Variants in PLEKHG7 observed in about 807,000 individuals in gnomAD.
The protein encoded by PLEKHG7 is pleckstrin homology and RhoGEF domain containing G7, also known as pleckstrin homology domain-containing family G member 7.
PLEKHG7 carries 77 observed loss-of-function variants against 85.2 expected under a neutral mutation model. The observed-to-expected ratio is 0.90, with a 90% CI of 0.75 to 1.09. The LOEUF (loss-of-function observed/expected upper bound fraction) is 1.09, where lower values mean the gene tolerates loss of function less well. Among genes scored for constraint, PLEKHG7 ranks in the 50% least tolerant of loss-of-function variants. PLEKHG7 has a pLI of 0.00. For synonymous variants in PLEKHG7, 301 were observed against 302.4 expected (o/e 1.00, Z 0.05); for missense variants, 777 against 804.3 (o/e 0.97, Z 0.41).
In PLEKHG7 at chr12:92,728,997, T is replaced by A. The variant is rs377531534; in HGVS notation, c.535T>A (p.Tyr179Asn). ...CCTTTTATCTCTTGAGCACAGGTTCTACGAGCACAGGCGGAGTTCTGTGGT... is the reference window on the plus strand; with the variant it reads ...CCTTTTATCTCTTGAGCACAGGTTCAACGAGCACAGGCGGAGTTCTGTGGT... ...QGEELHPSRF[Y>N]EHRRSSVVLN... The change falls in exon 4 of 17, where the codon TAC becomes AAC. Residue 179 changes from tyrosine (Y) to asparagine (N), a missense_variant. Tyr to Asn is a moderately radical substitution (Grantham distance 143). Around this residue, in one of 3 missense-constraint regions of PLEKHG7, gnomAD observed 252 missense variants for 241.9 expected, o/e 1.04. Transcript: ENST00000344636. 2.4e-6 allele frequency: 3 copies of A among 1,231,774 alleles called. No individual in the cohort carries two copies. Among genetic ancestry groups the A allele is most frequent in the East Asian group, 6.3e-5 (2 of 31,688 alleles). 76.3% of individuals were successfully genotyped at this position (1,231,774 alleles called of 1,614,324 possible).
intron 12 of PLEKHG7, 95 bp from the exon 13 acceptor site, chr12:92,756,203 A>G (rs1872824915): frequency 1.1e-6 from 1 of 912,230 alleles, no homozygotes; most frequent in African/African-American, 1.7e-5. Context: ...AAATGTCATG[A>G]ACTTTCTAGA....
At chr12:92,743,684 C>T (rs575399158) in intron 9 of PLEKHG7, among the ~76,000 whole-genome samples, 122 of 152,228 alleles carry the variant, frequency 8.0e-4, no homozygotes, top group African/African-American at 2.5e-3. Flanking sequence ...CTCAGCCCCC[C>T]GAGTAGCTGG....
intron 3 of PLEKHG7, chr12:92,721,562 TGGGTGG>T (rs1871643039): frequency 1.3e-4 from 35 of 275,134 alleles, no homozygotes; most frequent in Admixed American, 6.8e-4. Flanking sequence ...TTCTACATGG[TGGGTGG>T]GGGTGGGGAA....
intron 3 of PLEKHG7, among the ~76,000 whole-genome samples, chr12:92,723,577 A>C (rs1024256250): frequency 6.6e-5 from 10 of 152,238 alleles, no homozygotes; most frequent in Non-Finnish European, 1.5e-4. Context: ...AGTTCTGGAC[A>C]CTGATCTAAG....
rs147060979 is a variant in PLEKHG7, at chr12:92,769,026, A to C, written c.1914A>C (p.Arg638Ser). ...CTTTTCTTATACAACACGAAAACAG[A>C]TATCGACAGTGTATAGCAGCATTCT... ...RNAFLIQHEN[R>S]YRQCIAAFLL... The change falls in exon 16 of 17, where the codon AGA becomes AGC. Residue 638 changes from arginine to serine, a missense_variant. This residue lies in a region of PLEKHG7 where 520 missense variants were observed against 544.0 expected (regional missense o/e 0.96). Coordinates refer to ENST00000344636, the MANE Select transcript of PLEKHG7 (RefSeq NM_001377329.1). 3.7e-5 allele frequency: 60 copies of C among 1,605,130 alleles called. No individual in the cohort carries two copies. The African/African-American group carries it at 7.9e-4, about 21-fold the overall frequency.
At position 92,769,948 on chromosome 12, in the gene PLEKHG7, CAT is replaced by C. The variant is rs1873353934; in HGVS notation, c.1969-137_1969-136del. ...TAGATGTAAGAAAGAAAATGGGAAACATATGCAAATGTTTCATTAGTCTTCAG... is the reference window on the plus strand; with the variant it reads ...TAGATGTAAGAAAGAAAATGGGAAACATGCAAATGTTTCATTAGTCTTCAG... On this transcript the variant is annotated intron_variant, in intron 16 of 16. Coordinates refer to ENST00000344636, the MANE Select transcript of PLEKHG7 (RefSeq NM_001377329.1). 8.5e-6 allele frequency: 5 copies of C among 585,016 alleles called. No homozygotes were observed. The East Asian group carries it at 1.2e-4, about 14-fold the overall frequency. The allele number at this position is 585,016 out of a possible 1,614,324, so 36.2% of individuals were successfully genotyped here.
chr12:92,748,669 G>T (rs2136614248), intron 10 of PLEKHG7, among the ~76,000 whole-genome samples: 1 of 152,294 alleles, frequency 6.6e-6, no homozygotes, highest in African/African-American at 2.4e-5. Context: ...GCTCAGAGAG[G>T]TTAGATGACA....
At chr12:92,740,765 C>T (rs1872330806) in intron 7 of PLEKHG7, 88 bp from the exon 8 acceptor site, 2 of 804,282 alleles carry the variant, frequency 2.5e-6, no homozygotes, top group African/African-American at 3.5e-5. Flanking sequence ...AAGTTACACC[C>T]AGGAGGTTTA....
chr12:92,746,939 A>C (rs1211285054), intron 10 of PLEKHG7, among the ~76,000 whole-genome samples: 2 of 152,242 alleles, frequency 1.3e-5, no homozygotes, highest in Non-Finnish European at 2.9e-5. Context: ...AGAAGAAAAC[A>C]TAAAAGAAGC....
At chr12:92,704,267 GA>G (rs537713805) in intron 1 of PLEKHG7, among the ~76,000 whole-genome samples, 61 of 139,384 alleles carry the variant, frequency 4.4e-4, no homozygotes, top group African/African-American at 4.8e-4. Flanking sequence ...TCTCTAAAAA[GA>G]AAAAAAAAAA....
At chr12:92,756,427 G>A (rs1279842909) in intron 13 of PLEKHG7, 36 bp downstream of exon 13, 4 of 1,484,982 alleles carry the variant, frequency 2.7e-6, no homozygotes, top group Non-Finnish European at 2.8e-6. Flanking sequence ...CCCAACATCT[G>A]TGCCGCCTTG....
chr12:92,737,544 T>G (rs768812211), intron 7 of PLEKHG7, 23 bp downstream of exon 7: 6 of 1,602,750 alleles, frequency 3.7e-6, no homozygotes, highest in Non-Finnish European at 5.1e-6. Flanking sequence ...TTAATTTTTG[T>G]AGTAGATGGA....
chr12:92,709,418 T>G (rs1303746255), intron 3 of PLEKHG7, among the ~76,000 whole-genome samples: 1 of 152,174 alleles, frequency 6.6e-6, no homozygotes, highest in African/African-American at 2.4e-5. Context: ...ATATGAGTGG[T>G]TAGAGTGTAG....
At chr12:92,732,192 C>T (rs1872010324) in intron 4 of PLEKHG7, 41 bp from the exon 5 acceptor site, 1 of 1,186,912 alleles carries the variant, frequency 8.4e-7, no homozygotes, top group Non-Finnish European at 1.1e-6. Flanking sequence ...GCTAGTTACT[C>T]TAAGTACTCG....
chr12:92,734,106 C>T (rs896684700), intron 5 of PLEKHG7, among the ~76,000 whole-genome samples: 39 of 152,326 alleles, frequency 2.6e-4, no homozygotes, highest in African/African-American at 8.9e-4. Context: ...CACAAGAACA[C>T]AATATCTGTT....
intron 15 of PLEKHG7, among the ~76,000 whole-genome samples, chr12:92,767,562 G>T (rs949154974): frequency 1.3e-5 from 2 of 152,016 alleles, no homozygotes; most frequent in African/African-American, 4.8e-5. Context: ...AGAGAAGCTG[G>T]ACAGAATTTT....
intron 10 of PLEKHG7, 114 bp downstream of exon 10, chr12:92,745,705 TA>T: frequency 1.5e-6 from 1 of 684,200 alleles, no homozygotes; most frequent in Non-Finnish European, 2.5e-6. Context: ...AAATGATCAA[TA>T]ATATGTTTTA....
rs945371671 is a variant in PLEKHG7 at position 92,770,256 on chromosome 12, A to G, written c.*61A>G. 2 of 1,234,688 alleles carry G rather than the reference A, an allele frequency of 1.6e-6. No individual in the cohort carries two copies. Among genetic ancestry groups the G allele is most frequent in the Non-Finnish European group, 2.3e-6 (2 of 868,068 alleles). The allele number at this position is 1,234,688 out of a possible 1,614,324, so 76.5% of individuals were successfully genotyped here. A position where few individuals can be genotyped will look rare whatever the true frequency, so the allele number is the denominator to read the frequency against. On this transcript the variant is annotated 3_prime_UTR_variant, in exon 17 of 17. Transcript: ENST00000344636. The stretch of plus-strand genomic sequence containing the variant: ...TATGGTTTAAGGTATAATTTCATTC[A>G]AAGTTTTGTAACACTTAGCTAGTGA...
rs1872357393 is a variant in PLEKHG7, at chr12:92,741,579, C to T, written c.1124C>T (p.Ser375Phe). 1 of 1,612,508 alleles carries T rather than the reference C, an allele frequency of 6.2e-7. No homozygotes were observed. The highest frequency in any genetic ancestry group is 1.3e-5 in the African/African-American group (1 of 74,882). ...ATTTCCTCATCACTGGATTTTATTT[C>T]CGTGCTCACAAAGGTAAACTCCTTC... ...SEISSSLDFISVLTKYFRGSL... is the reference protein window; with the variant it reads ...SEISSSLDFIFVLTKYFRGSL... Residue 375 changes from serine (S) to phenylalanine (F), a missense_variant, in exon 9 of 17, where the codon TCC becomes TTC. Around this residue, in one of 3 missense-constraint regions of PLEKHG7, gnomAD observed 520 missense variants for 544.0 expected, o/e 0.96. Transcript: ENST00000344636.
Sources: allele counts gnomAD v4.1 joint callset (sites outside exome capture counted in the v4.1 genomes callset), GRCh38; gene constraint gnomAD v4.1.1; regional missense constraint gnomAD v4.1.1; transcripts MANE v1.5; gene names NCBI Gene and HGNC (gene_info 2026-07-23, HGNC 2026-07-21).